Variants in ACSS3 observed in about 807,000 individuals in gnomAD.
The protein encoded by ACSS3 is acyl-CoA synthetase short chain family member 3, also known as acyl-CoA synthetase short-chain family member 3, mitochondrial.
In ACSS3, 64 loss-of-function variants were observed where a neutral mutation model predicts 84.2. That is an observed-to-expected ratio of 0.76 (90% CI 0.62 to 0.94). The LOEUF is 0.94. Ranked by LOEUF, ACSS3 falls within the 40% of genes least tolerant of loss-of-function variation. The pLI is 0.00. For synonymous variants in ACSS3, 317 were observed against 310.1 expected (o/e 1.02, Z -0.23); for missense variants, 815 against 867.6 (o/e 0.94, Z 0.76).
intron 11 of ACSS3, among the ~76,000 whole-genome samples, chr12:81,225,056 G>A (rs576133263): frequency 6.6e-6 from 1 of 151,486 alleles, no homozygotes; most frequent in Non-Finnish European, 1.5e-5. Context: ...TGTATGTATA[G>A]GAAAAACCTT....
chr12:81,078,020 T>G, upstream of ACSS3: 1 of 1,327,882 alleles, frequency 7.5e-7, no homozygotes, highest in Non-Finnish European at 9.9e-7. Context: ...CTGGGCTCAC[T>G]TCGGAATTTG....
intron 5 of ACSS3, among the ~76,000 whole-genome samples, chr12:81,148,431 G>A (rs1324830535): frequency 6.6e-6 from 1 of 152,110 alleles, no homozygotes; most frequent in Non-Finnish European, 1.5e-5. Flanking sequence ...ATAACTTTGT[G>A]GTCCTATTTC....
At chr12:81,096,264 A>T (rs1405632330) in intron 1 of ACSS3, among the ~76,000 whole-genome samples, 1 of 152,172 alleles carries the variant, frequency 6.6e-6, no homozygotes, top group African/African-American at 2.4e-5. Context: ...TTGTAAGGAG[A>T]ATGTGTCAGG....
chr12:81,213,065 G>A (rs973757071), intron 9 of ACSS3, among the ~76,000 whole-genome samples: 1 of 152,186 alleles, frequency 6.6e-6, no homozygotes, highest in East Asian at 1.9e-4. Flanking sequence ...TCTACAAAGA[G>A]AATGCTCTAG....
intron 10 of ACSS3, 130 bp from the exon 11 acceptor site, chr12:81,219,883 A>T: frequency 2.1e-6 from 1 of 467,288 alleles, no homozygotes; most frequent in Non-Finnish European, 3.6e-6. Flanking sequence ...ATATTTGTTC[A>T]TGGTCTCACA....
intron 8 of ACSS3, among the ~76,000 whole-genome samples, chr12:81,190,904 T>C (rs1362289098): frequency 6.6e-6 from 1 of 152,072 alleles, no homozygotes; most frequent in African/African-American, 2.4e-5. Flanking sequence ...GACTGATTTT[T>C]TTAAGTGTCA....
At chr12:81,102,101 A>G (rs554813730) in intron 1 of ACSS3, among the ~76,000 whole-genome samples, 15 of 152,168 alleles carry the variant, frequency 9.9e-5, no homozygotes, top group African/African-American at 1.4e-4. Context: ...ATATACACAC[A>G]CACACTTATA....
In ACSS3 at chr12:81,257,471, A is replaced by ATACT. The variant is rs1287867362; in HGVS notation, c.*2552_*2555dup. ...TATAATATTACTAAAAAATGCAGAC[A>ATACT]TACTTAAACTTGCTAGAATAAATTC... On this transcript the variant is annotated 3_prime_UTR_variant, in exon 16 of 16. Coordinates refer to ENST00000548058, the MANE Select transcript of ACSS3 (RefSeq NM_024560.4). The ATACT allele has an allele frequency of 6.6e-6, 1 of 150,882 alleles. No individual in the cohort carries two copies. Among genetic ancestry groups the ATACT allele is most frequent in the East Asian group, 1.9e-4 (1 of 5,200 alleles). 9.3% of individuals were successfully genotyped at this position (150,882 alleles called of 1,614,324 possible).
At chr12:81,147,079 G>A (rs1404934376) in intron 5 of ACSS3, among the ~76,000 whole-genome samples, 1 of 152,040 alleles carries the variant, frequency 6.6e-6, no homozygotes, top group Non-Finnish European at 1.5e-5. Flanking sequence ...TGCAGTTAAA[G>A]TGCTGAACTG....
At chr12:81,239,337 T>G (rs1372863656) in intron 13 of ACSS3, among the ~76,000 whole-genome samples, 1 of 151,982 alleles carries the variant, frequency 6.6e-6, no homozygotes, top group Non-Finnish European at 1.5e-5. Flanking sequence ...CATTCAACAA[T>G]TTCATTCAGA....
At chr12:81,109,904 A>C (rs1883430786) in intron 2 of ACSS3, among the ~76,000 whole-genome samples, 200 bp downstream of exon 2, 1 of 152,210 alleles carries the variant, frequency 6.6e-6, no homozygotes, top group African/African-American at 2.4e-5. Context: ...TATGTTTCAC[A>C]GTGCTAAATG....
chr12:81,247,520 G>A (rs769281032), intron 13 of ACSS3, among the ~76,000 whole-genome samples: 1 of 152,074 alleles, frequency 6.6e-6, no homozygotes, highest in Non-Finnish European at 1.5e-5. Flanking sequence ...TTGTCACTGG[G>A]TCTTGGAGTA....
intron 13 of ACSS3, among the ~76,000 whole-genome samples, chr12:81,234,929 T>C (rs1434191948): frequency 6.6e-6 from 1 of 151,388 alleles, no homozygotes; most frequent in Non-Finnish European, 1.5e-5. Context: ...ATCATTTTTT[T>C]CTTTTACGGA....
At chr12:81,177,394 T>A (rs7959317) in intron 8 of ACSS3, among the ~76,000 whole-genome samples, 27,267 of 152,084 alleles carry the variant, frequency 0.18, 2,770 homozygotes, top group East Asian at 0.4. Flanking sequence ...GATAATATGA[T>A]TCTATACTTA....
intron 8 of ACSS3, among the ~76,000 whole-genome samples, chr12:81,175,699 C>T (rs954536411): frequency 1.3e-5 from 2 of 152,072 alleles, no homozygotes; most frequent in African/African-American, 4.8e-5. Flanking sequence ...TATCAAGAAG[C>T]TCTCTGAAAA....
intron 1 of ACSS3, among the ~76,000 whole-genome samples, chr12:81,093,724 T>G (rs577947209): frequency 6.6e-6 from 1 of 152,274 alleles, no homozygotes; most frequent in Non-Finnish European, 1.5e-5. Context: ...TATAGTACAT[T>G]ATTAAAATCA....
chr12:81,238,724 C>G (rs2135985553), intron 13 of ACSS3, among the ~76,000 whole-genome samples: 1 of 151,400 alleles, frequency 6.6e-6, no homozygotes, highest in South Asian at 2.1e-4. Flanking sequence ...TCTTTCATTT[C>G]TGGTTTTAGT....
intron 7 of ACSS3, among the ~76,000 whole-genome samples, chr12:81,156,209 CCACACACACA>C (rs34147790): frequency 6.8e-6 from 1 of 147,092 alleles, no homozygotes; most frequent in African/African-American, 2.5e-5. Flanking sequence ...CACACACACC[CCACACACACA>C]CACACACACA....
chr12:81,168,336 C>T (rs1383916848), intron 7 of ACSS3, among the ~76,000 whole-genome samples: 1 of 152,108 alleles, frequency 6.6e-6, no homozygotes, highest in Non-Finnish European at 1.5e-5. Context: ...TATACTTCGA[C>T]AATTTTTGTT....
Sources: allele counts gnomAD v4.1 joint callset (sites outside exome capture counted in the v4.1 genomes callset), GRCh38; gene constraint gnomAD v4.1.1; transcripts MANE v1.5; gene names NCBI Gene and HGNC (gene_info 2026-07-23, HGNC 2026-07-21).